The following EFR3A variants were observed in gnomAD, a reference collection of about 807,000 sequenced individuals.
The protein encoded by EFR3A is EFR3 homolog A.
A neutral mutation model predicts 104.4 loss-of-function variants in EFR3A; 76 were observed. That is an observed-to-expected ratio of 0.73 (90% CI 0.60 to 0.88). EFR3A has a LOEUF of 0.88. Ranked by LOEUF, EFR3A falls within the 40% of genes least tolerant of loss-of-function variation. EFR3A has a pLI of 0.00. For missense variants in EFR3A, 985 were observed against 1,012.5 expected (o/e 0.97, Z 0.37); for synonymous variants, 330 against 330.0 (o/e 1.00, Z 0.00).
intron 1 of EFR3A, among the ~76,000 whole-genome samples, chr8:131,932,107 A>G (rs1817640048): frequency 6.6e-6 from 1 of 151,906 alleles, no homozygotes; most frequent in South Asian, 2.1e-4. Context: ...TCTTGCCACA[A>G]TCCCATTTTT....
At position 131,904,104 on chromosome 8, in the gene EFR3A, C is replaced by T. The variant is rs1407623384; in HGVS notation, c.-209C>T. 2.1e-5 allele frequency: 10 copies of T among 482,624 alleles called. No homozygotes were observed. The highest frequency in any genetic ancestry group is 4.0e-5 in the African/African-American group (2 of 49,544). 29.9% of individuals were successfully genotyped at this position (482,624 alleles called of 1,614,324 possible). ...AACGGGCGTGGGTCGTCCGTCGCGCCGCCCGGCGAGGAGTGGGCTGGCGGC... is the reference window on the plus strand; with the variant it reads ...AACGGGCGTGGGTCGTCCGTCGCGCTGCCCGGCGAGGAGTGGGCTGGCGGC... On this transcript the variant is annotated 5_prime_UTR_variant, in exon 1 of 23. Coordinates refer to ENST00000254624, the MANE Select transcript of EFR3A (RefSeq NM_015137.6).
chr8:131,962,167 C>T (rs950103943), intron 8 of EFR3A, among the ~76,000 whole-genome samples: 4 of 152,152 alleles, frequency 2.6e-5, no homozygotes, highest in Non-Finnish European at 5.9e-5. Context: ...AGCAAAATCA[C>T]CAGCTAACAT....
At chr8:131,986,149 G>T in intron 16 of EFR3A, 45 bp from the exon 17 acceptor site, 1 of 1,035,828 alleles carries the variant, frequency 9.7e-7, no homozygotes, top group Non-Finnish European at 1.5e-6. Flanking sequence ...AAGGTACTGA[G>T]GGGTAGGGTT....
chr8:131,965,603 AC>A (rs1332587136), intron 8 of EFR3A, among the ~76,000 whole-genome samples: 8 of 152,314 alleles, frequency 5.3e-5, no homozygotes, highest in African/African-American at 1.9e-4. Flanking sequence ...ACACTTTTAC[AC>A]TGTTGGTGGG....
At chr8:131,965,595 A>G (rs944113904) in intron 8 of EFR3A, among the ~76,000 whole-genome samples, 1 of 152,216 alleles carries the variant, frequency 6.6e-6, no homozygotes, top group African/African-American at 2.4e-5. Context: ...AAATAGGCAC[A>G]CTTTTACACT....
intron 2 of EFR3A, among the ~76,000 whole-genome samples, chr8:131,941,218 G>T (rs7840803): frequency 0.83 from 125,710 of 152,036 alleles, 52,053 homozygotes; most frequent in East Asian, 0.94. Context: ...TTTAATTTTT[G>T]TATAACAATT....
intron 14 of EFR3A, among the ~76,000 whole-genome samples, chr8:131,981,592 A>G (rs768084905): frequency 1.1e-4 from 17 of 152,010 alleles, no homozygotes; most frequent in Non-Finnish European, 2.2e-4. Context: ...TTAACTAGCA[A>G]CTCAGATAAG....
At chr8:132,007,486 G>A (rs1822111456) in intron 22 of EFR3A, among the ~76,000 whole-genome samples, 2 of 151,884 alleles carry the variant, frequency 1.3e-5, no homozygotes, top group African/African-American at 4.8e-5. Context: ...AAACAAAGGA[G>A]AGATATACCA....
At chr8:131,928,798 C>G (rs1817437590) in intron 1 of EFR3A, among the ~76,000 whole-genome samples, 1 of 150,184 alleles carries the variant, frequency 6.7e-6, no homozygotes, top group South Asian at 2.1e-4. Flanking sequence ...TTCCTCATTA[C>G]TGGAGCGTTT....
intron 1 of EFR3A, among the ~76,000 whole-genome samples, chr8:131,926,844 G>C (rs986486152): frequency 6.8e-6 from 1 of 146,178 alleles, no homozygotes; most frequent in East Asian, 1.9e-4. Flanking sequence ...GTCAAATGCT[G>C]TTAGTTTTCA....
intron 18 of EFR3A, among the ~76,000 whole-genome samples, chr8:131,993,922 G>C (rs533677148): frequency 6.6e-6 from 1 of 152,172 alleles, no homozygotes; most frequent in African/African-American, 2.4e-5. Flanking sequence ...TGCACACTGG[G>C]ACCTGTTGGA....
At position 131,987,634 on chromosome 8, in the gene EFR3A, CAG is replaced by C; in HGVS notation, c.2000_2001del (p.Glu667ValfsTer8). 6.3e-7 allele frequency: 1 copy of C among 1,597,692 alleles called. No homozygotes were observed. The highest frequency in any genetic ancestry group is 8.5e-7 in the Non-Finnish European group (1 of 1,171,104). ...TTGTACTTTCTGACCAACAAGATTGCAGAGTCGCTAGGTGGAAGTGGATATAG... is the reference window on the plus strand; with the variant it reads ...TTGTACTTTCTGACCAACAAGATTGCAGTCGCTAGGTGGAAGTGGATATAG... On this transcript the variant is annotated frameshift_variant, in exon 18 of 23. Coordinates refer to ENST00000254624, the MANE Select transcript of EFR3A (RefSeq NM_015137.6). LOFTEE classifies it high-confidence loss of function.
At chr8:131,952,952 A>G (rs1818780869) in intron 5 of EFR3A, among the ~76,000 whole-genome samples, 1 of 152,226 alleles carries the variant, frequency 6.6e-6, no homozygotes, top group Non-Finnish European at 1.5e-5. Flanking sequence ...TTTAGATAGC[A>G]GAAAGAAAGG....
intron 2 of EFR3A, among the ~76,000 whole-genome samples, chr8:131,943,642 C>A (rs1272562007): frequency 6.6e-6 from 1 of 151,906 alleles, no homozygotes; most frequent in Non-Finnish European, 1.5e-5. Context: ...CTTTTGGGGG[C>A]TATTTTGTGC....
intron 4 of EFR3A, among the ~76,000 whole-genome samples, chr8:131,949,762 A>G (rs542006331): frequency 6.6e-5 from 10 of 152,028 alleles, no homozygotes; most frequent in African/African-American, 2.2e-4. Context: ...TCAGTGAGCT[A>G]TGATCACACC....
At chr8:131,987,285 T>C (rs1820933444) in intron 17 of EFR3A, among the ~76,000 whole-genome samples, 1 of 152,134 alleles carries the variant, frequency 6.6e-6, no homozygotes, top group African/African-American at 2.4e-5. Flanking sequence ...TTAGTGTTCT[T>C]TATTACTTAA....
rs564173373 is a variant in EFR3A, at chr8:132,005,290, C to T, written c.2360+2005C>T. Among the ~76,000 whole-genome samples, 13 of 152,214 alleles carry T rather than the reference C, an allele frequency of 8.5e-5. 1 individual carries two copies. In the South Asian group the frequency reaches 2.7e-3, roughly 32 times the overall value. Reference sequence around the variant, plus strand: ...TCAGGTCCTGTCTGGTACATTTTCTCTTGTTAATTTGCCTCACCCTAACCA... The same window carrying T: ...TCAGGTCCTGTCTGGTACATTTTCTTTTGTTAATTTGCCTCACCCTAACCA... On this transcript the variant is annotated intron_variant, in intron 22 of 22. Transcript: ENST00000254624.
At chr8:131,911,127 G>A (rs76524489) in intron 1 of EFR3A, among the ~76,000 whole-genome samples, 3,074 of 152,140 alleles carry the variant, frequency 0.02, 54 homozygotes, top group South Asian at 0.033. Context: ...GCAATTCAAA[G>A]GCATACTAAG....
At chr8:131,988,163 T>G (rs940806363) in intron 18 of EFR3A, among the ~76,000 whole-genome samples, 2 of 134,380 alleles carry the variant, frequency 1.5e-5, no homozygotes, top group African/African-American at 5.3e-5. Flanking sequence ...TTTTTCTCTG[T>G]GAACTATATA....
Sources: gnomAD v4.1 joint callset for allele counts (sites outside exome capture counted in the v4.1 genomes callset) on GRCh38, gnomAD v4.1.1 for gene constraint, MANE v1.5 for transcripts, NCBI Gene and HGNC (gene_info 2026-07-23, HGNC 2026-07-21) for gene names.